Variants in AKAP8 observed in about 807,000 individuals in gnomAD.
AKAP8 encodes the protein A-kinase anchor protein 8.
AKAP8 carries 24 observed loss-of-function variants against 67.5 expected under a neutral mutation model. That is an observed-to-expected ratio of 0.36 (90% CI 0.26 to 0.50). The LOEUF (loss-of-function observed/expected upper bound fraction) is 0.50, where lower values mean the gene tolerates loss of function less well. AKAP8 is among the 20% of genes least tolerant of loss of function. The probability of loss-of-function intolerance (pLI) is 0.97; values close to 1 mark genes in which losing one functional copy is unlikely to be tolerated. For missense variants in AKAP8, 971 were observed against 955.9 expected (o/e 1.02, Z -0.21); for synonymous variants, 400 against 371.1 (o/e 1.08, Z -0.90).
In AKAP8 at chr19:15,369,269, T is replaced by C. The variant is rs1599566545; in HGVS notation, c.1072+877A>G. 3 of 985,420 alleles carry C rather than the reference T, an allele frequency of 3.0e-6. No individual in the cohort carries two copies. Among genetic ancestry groups the C allele is most frequent in the Non-Finnish European group, 3.6e-6 (3 of 829,916 alleles). 61.0% of individuals were successfully genotyped at this position (985,420 alleles called of 1,614,324 possible). On this transcript the variant is annotated intron_variant, in intron 8 of 13. Coordinates refer to ENST00000269701, the MANE Select transcript of AKAP8 (RefSeq NM_005858.4). This position sits in a 1 kb window ranked among gnomAD's most constrained non-coding sequence, Gnocchi z 4.6. ...CACCTTTGCTTTAGCATTGTGCCGC[T>C]AAGCGCTCGGGGCGCCCCGTGCTAT...
rs1005590984 is a variant in AKAP8 at position 15,354,858 on chromosome 19, G to A, written c.*57C>T. Reference sequence around the variant, plus strand: ...CCCTTGTACTGCTTACAAACCAAGGGAGAAAGACCAACGCATCCATCATCC... The same window carrying A: ...CCCTTGTACTGCTTACAAACCAAGGAAGAAAGACCAACGCATCCATCATCC... On this transcript the variant is annotated 3_prime_UTR_variant, in exon 14 of 14. Transcript: ENST00000269701. 4.4e-6 allele frequency: 7 copies of A among 1,586,606 alleles called. No homozygotes were observed. The highest frequency in any genetic ancestry group is 3.4e-5 in the South Asian group (3 of 88,500).
At position 15,368,951 on chromosome 19, in the gene AKAP8, G is replaced by A. The variant is rs551963828; in HGVS notation, c.1073-629C>T. 44 of 985,912 alleles carry A rather than the reference G, an allele frequency of 4.5e-5. No homozygotes were observed. In the South Asian group the frequency reaches 9.4e-4, roughly 21 times the overall value. 61.1% of individuals were successfully genotyped at this position (985,912 alleles called of 1,614,324 possible). On this transcript the variant is annotated intron_variant, in intron 8 of 13. Coordinates refer to ENST00000269701, the MANE Select transcript of AKAP8 (RefSeq NM_005858.4). ...AAGAGACCAATTGGTCCTCCCGTCC[G>A]TCCCCCGGGGCCAGCAGAGGAGCTC...
chr19:15,370,022 G>A (rs999720528), intron 8 of AKAP8, 124 bp downstream of exon 8: 4 of 1,194,532 alleles, frequency 3.3e-6, no homozygotes, highest in Non-Finnish European at 4.9e-6. Flanking sequence ...GGTGGCTGCA[G>A]CCCCTCTTCC....
Position 15,374,090 on chromosome 19 carries a change from C to A in AKAP8, c.92-25G>T. The A allele has an allele frequency of 2.0e-6, 3 of 1,527,328 alleles. No individual in the cohort carries two copies. The South Asian group carries it at 3.9e-5, about 20-fold the overall frequency. The allele number at this position is 1,527,328 out of a possible 1,614,324, so 94.6% of individuals were successfully genotyped here. ...CCTGTCACAGGGGGAGGAGCCAAGT[C>A]AGACTTCAGCAGCCACGAGGCCTGT... is the stretch of plus-strand genomic sequence containing the variant. On this transcript the variant is annotated intron_variant, in intron 3 of 13. Coordinates refer to ENST00000269701, the MANE Select transcript of AKAP8 (RefSeq NM_005858.4).
chr19:15,372,213 C>T lies in AKAP8; in HGVS notation c.991+5G>A. 1 of 1,614,166 alleles carries T rather than the reference C, an allele frequency of 6.2e-7. No individual in the cohort carries two copies. ...TGTCTGGCCCACCTGGCCCCCAGGA[C>T]ATACCATTTTCGGAGAAATCTCCTT... On this transcript the variant is annotated splice_donor_5th_base_variant and intron_variant, in intron 6 of 13. Coordinates refer to ENST00000269701, the MANE Select transcript of AKAP8 (RefSeq NM_005858.4).
intron 2 of AKAP8, among the ~76,000 whole-genome samples, chr19:15,376,090 C>T (rs1967247875): frequency 6.6e-6 from 1 of 152,012 alleles, no homozygotes; most frequent in South Asian, 2.1e-4. Flanking sequence ...CTGCCACGCC[C>T]CACTAATTTT....
chr19:15,370,271 G>A, intron 7 of AKAP8, 92 bp from the exon 8 acceptor site: 1 of 1,469,640 alleles, frequency 6.8e-7, no homozygotes, highest in South Asian at 1.2e-5. Flanking sequence ...CTGGTGGGCA[G>A]TCTCACCCAA....
chr19:15,365,142 G>C (rs1967048723), intron 9 of AKAP8, among the ~76,000 whole-genome samples: 1 of 152,208 alleles, frequency 6.6e-6, no homozygotes, highest in South Asian at 2.1e-4. Flanking sequence ...CCTAGGCTCT[G>C]GCTGGCAGCT....
chr19:15,368,312 C>T lies in AKAP8; in HGVS notation c.1083G>A (p.Glu361=). ...TCTTCTTCACATCCTCGTCCTCGTC[C>T]TCCTTCTCTCCTGTAACAGACAAGT... is the stretch of plus-strand genomic sequence containing the variant. ...CDSGRQRGEK[E]DEDEDVKKRR... Residue 361 remains glutamate, a synonymous_variant, in exon 9 of 14, where the codon GAG becomes GAA. Transcript: ENST00000269701. 6.2e-7 allele frequency: 1 copy of T among 1,613,698 alleles called. No homozygotes were observed. The highest frequency in any genetic ancestry group is 1.1e-5 in the South Asian group (1 of 91,088).
At chr19:15,367,670 T>C (rs1446188246) in intron 9 of AKAP8, among the ~76,000 whole-genome samples, 1 of 152,242 alleles carries the variant, frequency 6.6e-6, no homozygotes, top group Non-Finnish European at 1.5e-5. Flanking sequence ...GCACATGGTG[T>C]GCTCACAATG....
At chr19:15,363,351 G>C (rs1967008700) in intron 9 of AKAP8, among the ~76,000 whole-genome samples, 1 of 59,454 alleles carries the variant, frequency 1.7e-5, no homozygotes, top group Non-Finnish European at 3.5e-5. Flanking sequence ...CCGGGAGGGA[G>C]GTGGGGGGGG....
At chr19:15,379,587 T>C (rs1390382304) in intron 1 of AKAP8, 126 bp downstream of exon 1, 6 of 1,128,884 alleles carry the variant, frequency 5.3e-6, no homozygotes, top group Non-Finnish European at 7.1e-6. Flanking sequence ...TGGCCGCCTC[T>C]CCGGAGGGCC....
intron 9 of AKAP8, 86 bp from the exon 10 acceptor site, chr19:15,362,337 G>A (rs1227148124): frequency 1.5e-5 from 22 of 1,480,158 alleles, no homozygotes; most frequent in Non-Finnish European, 1.9e-5. Flanking sequence ...GAGGAGAGCT[G>A]AAATAGAAAC....
At chr19:15,374,733 A>G (rs1967223428) in intron 2 of AKAP8, 98 bp from the exon 3 acceptor site, 2 of 1,437,992 alleles carry the variant, frequency 1.4e-6, no homozygotes, top group Non-Finnish European at 1.9e-6. Flanking sequence ...CCCCAGGGCC[A>G]GGGCTTCCCT....
intron 8 of AKAP8, chr19:15,368,562 G>A: frequency 2.0e-6 from 2 of 985,250 alleles, no homozygotes; most frequent in Non-Finnish European, 2.4e-6. Context: ...GCCAGGATGG[G>A]CTAGGGACAC....
intron 13 of AKAP8, among the ~76,000 whole-genome samples, chr19:15,357,816 G>C (rs1966904671): frequency 6.6e-6 from 1 of 150,826 alleles, no homozygotes; most frequent in South Asian, 2.1e-4. Context: ...TGAGTAGCTG[G>C]GACCACAGGC....
At position 15,353,793 on chromosome 19, in the gene AKAP8, G is replaced by T. The variant is rs1455044053; in HGVS notation, c.*1122C>A. The T allele has an allele frequency of 6.6e-6, 1 of 152,118 alleles. No homozygotes were observed. The highest frequency in any genetic ancestry group is 6.6e-5 in the Admixed American group (1 of 15,244). The allele number at this position is 152,118 out of a possible 1,614,324, so 9.4% of individuals were successfully genotyped here. A position where few individuals can be genotyped will look rare whatever the true frequency, so the allele number is the denominator to read the frequency against. On this transcript the variant is annotated 3_prime_UTR_variant, in exon 14 of 14. Transcript: ENST00000269701. The stretch of plus-strand genomic sequence containing the variant: ...ACACAGCAGGGCCATTTCAAAAGGG[G>T]AGGATCTTCCAATTCTTCTGATTTT...
intron 7 of AKAP8, among the ~76,000 whole-genome samples, chr19:15,370,625 C>CTTTTTTTT (rs71176407): frequency 1.0e-3 from 82 of 80,950 alleles, no homozygotes; most frequent in East Asian, 2.1e-3. Context: ...TACCCAATGT[C>CTTTTTTTT]TTTTTTTTTT....
chr19:15,370,119 A>T, intron 8 of AKAP8, 27 bp downstream of exon 8: 2 of 1,613,980 alleles, frequency 1.2e-6, no homozygotes. Context: ...GACACAGGAA[A>T]GCTGCAAGGG....
Sources: gnomAD v4.1 joint callset for allele counts (sites outside exome capture counted in the v4.1 genomes callset) on GRCh38, gnomAD v4.1.1 for gene constraint, Gnocchi (gnomAD v3.1) non-coding constraint, MANE v1.5 for transcripts, NCBI Gene and HGNC (gene_info 2026-07-23, HGNC 2026-07-21) for gene names.